The following CSNK1G3 variants were observed in gnomAD, a reference collection of about 807,000 sequenced individuals.
CSNK1G3 encodes the protein casein kinase 1 gamma 3, also known as casein kinase I isoform gamma-3.
CSNK1G3 carries 23 observed loss-of-function variants against 64.3 expected under a neutral mutation model. That is an observed-to-expected ratio of 0.36 (90% CI 0.26 to 0.51). The LOEUF is 0.51. Ranked by LOEUF, CSNK1G3 falls within the 20% of genes least tolerant of loss-of-function variation. CSNK1G3 has a pLI of 0.96. For synonymous variants in CSNK1G3, 158 were observed against 162.2 expected (o/e 0.97, Z 0.20); for missense variants, 357 against 510.5 (o/e 0.70, Z 2.90).
chr5:123,522,723 A>T (rs78317851), intron 1 of CSNK1G3, among the ~76,000 whole-genome samples: 1 of 152,068 alleles, frequency 6.6e-6, no homozygotes, highest in African/African-American at 2.4e-5. Flanking sequence ...TTTAGTACAG[A>T]TGCTTTTTTT....
chr5:123,550,435 A>G (rs892602302), intron 2 of CSNK1G3, among the ~76,000 whole-genome samples: 2 of 152,216 alleles, frequency 1.3e-5, no homozygotes, highest in African/African-American at 4.8e-5. Context: ...CTTAAGTCAC[A>G]TGGCCACACT....
intron 2 of CSNK1G3, among the ~76,000 whole-genome samples, chr5:123,548,484 T>C (rs574493700): frequency 6.9e-6 from 1 of 145,208 alleles, no homozygotes; most frequent in Non-Finnish European, 1.5e-5. Context: ...AAAAAGGCCA[T>C]GAGATGAAAA....
At chr5:123,577,657 A>G (rs1159026929) in intron 6 of CSNK1G3, among the ~76,000 whole-genome samples, 3 of 151,976 alleles carry the variant, frequency 2.0e-5, no homozygotes, top group Non-Finnish European at 4.4e-5. Flanking sequence ...GCCAAATGAT[A>G]CCACTTTATA....
intron 4 of CSNK1G3, among the ~76,000 whole-genome samples, chr5:123,571,189 A>G (rs1788029341): frequency 6.6e-6 from 1 of 152,180 alleles, no homozygotes; most frequent in Non-Finnish European, 1.5e-5. Flanking sequence ...GGGGTGTATC[A>G]GAATCTCTGT....
intron 6 of CSNK1G3, among the ~76,000 whole-genome samples, chr5:123,583,040 T>C (rs981986695): frequency 3.3e-5 from 5 of 152,162 alleles, no homozygotes; most frequent in African/African-American, 1.2e-4. Context: ...TGTTCTCTGA[T>C]AGAACCATGT....
At chr5:123,515,051 CTATA>C (rs1257491365) in intron 1 of CSNK1G3, among the ~76,000 whole-genome samples, 1 of 152,004 alleles carries the variant, frequency 6.6e-6, no homozygotes, top group Non-Finnish European at 1.5e-5. Flanking sequence ...CCAAAACAAT[CTATA>C]TATAGTTTCG....
At chr5:123,543,941 AAGGAGTC>A (rs778417462) in intron 1 of CSNK1G3, among the ~76,000 whole-genome samples, 4 of 152,316 alleles carry the variant, frequency 2.6e-5, no homozygotes, top group Middle Eastern at 6.8e-3. Context: ...AATTAGGGAA[AAGGAGTC>A]AGGCTGGTGG....
chr5:123,518,346 T>C (rs985333950), intron 1 of CSNK1G3, among the ~76,000 whole-genome samples: 10 of 152,234 alleles, frequency 6.6e-5, no homozygotes, highest in Non-Finnish European at 1.5e-4. Flanking sequence ...CATTGCTTGC[T>C]GAATTACAGT....
intron 1 of CSNK1G3, among the ~76,000 whole-genome samples, chr5:123,537,631 T>C (rs1016430111): frequency 2.0e-5 from 3 of 152,148 alleles, no homozygotes; most frequent in African/African-American, 7.2e-5. Context: ...AACATACATG[T>C]TGAGATGAAA....
intron 1 of CSNK1G3, among the ~76,000 whole-genome samples, chr5:123,526,942 G>A (rs1779206251): frequency 6.6e-6 from 1 of 150,934 alleles, no homozygotes; most frequent in East Asian, 2.0e-4. Context: ...GGGTCATATG[G>A]CAAGTGTGTG....
intron 10 of CSNK1G3, among the ~76,000 whole-genome samples, chr5:123,596,798 A>T (rs1363289147): frequency 6.6e-6 from 1 of 152,132 alleles, no homozygotes; most frequent in East Asian, 1.9e-4. Flanking sequence ...AAAACAAAGA[A>T]TAGTATTTTC....
At chr5:123,524,182 TTAG>T (rs1778639064) in intron 1 of CSNK1G3, among the ~76,000 whole-genome samples, 1 of 152,244 alleles carries the variant, frequency 6.6e-6, no homozygotes, top group African/African-American at 2.4e-5. Flanking sequence ...TGAATCTGTG[TTAG>T]TTTCTTTAAC....
At chr5:123,532,225 T>C (rs1478490441) in intron 1 of CSNK1G3, among the ~76,000 whole-genome samples, 1 of 151,898 alleles carries the variant, frequency 6.6e-6, no homozygotes, top group East Asian at 1.9e-4. Flanking sequence ...CAAAAATACA[T>C]TTGCTTTGAA....
intron 3 of CSNK1G3, among the ~76,000 whole-genome samples, chr5:123,557,185 A>C (rs1373530010): frequency 6.6e-6 from 1 of 152,138 alleles, no homozygotes; most frequent in Non-Finnish European, 1.5e-5. Context: ...GAACAGGAGA[A>C]ATAGCATAAG....
intron 10 of CSNK1G3, among the ~76,000 whole-genome samples, chr5:123,600,607 C>T (rs114656770): frequency 0.09 from 12,800 of 142,886 alleles, 588 homozygotes; most frequent in South Asian, 0.12. Flanking sequence ...CCTGGGTGAC[C>T]GAATAAGATG....
intron 5 of CSNK1G3, 136 bp downstream of exon 5, chr5:123,573,677 G>C: frequency 1.5e-6 from 1 of 663,534 alleles, no homozygotes; most frequent in East Asian, 3.1e-5. Context: ...TACTTTTCAT[G>C]TTGTCTTTCT....
At chr5:123,563,514 G>A (rs1360964295) in intron 4 of CSNK1G3, among the ~76,000 whole-genome samples, 2 of 151,812 alleles carry the variant, frequency 1.3e-5, no homozygotes, top group South Asian at 2.1e-4. Flanking sequence ...CGATGCCTAC[G>A]TTTTCACTTT....
chr5:123,517,848 T>C (rs562135560), intron 1 of CSNK1G3, among the ~76,000 whole-genome samples: 2 of 151,546 alleles, frequency 1.3e-5, no homozygotes, highest in East Asian at 1.9e-4. Context: ...AATTGTAATA[T>C]ATTAAAGAAG....
intron 4 of CSNK1G3, among the ~76,000 whole-genome samples, chr5:123,570,429 C>T (rs1043057863): frequency 6.7e-6 from 1 of 149,118 alleles, no homozygotes; most frequent in African/African-American, 2.5e-5. Context: ...TCTTGGCTCA[C>T]TGCAACCTCC....
Sources: gnomAD v4.1 joint callset for allele counts (sites outside exome capture counted in the v4.1 genomes callset) on GRCh38, gnomAD v4.1.1 for gene constraint, MANE v1.5 for transcripts, NCBI Gene and HGNC (gene_info 2026-07-23, HGNC 2026-07-21) for gene names.